The following BMP2K variants were observed in gnomAD, a reference collection of about 807,000 sequenced individuals.
BMP2K encodes the protein BMP2 inducible kinase, also known as BMP-2-inducible protein kinase.
In BMP2K, 74 loss-of-function variants were observed where a neutral mutation model predicts 116.0. The observed-to-expected ratio is 0.64, with a 90% CI of 0.53 to 0.77. The LOEUF is 0.77. BMP2K is among the 30% of genes least tolerant of loss of function. The pLI is 0.00. For synonymous variants in BMP2K, 486 were observed against 502.5 expected (o/e 0.97, Z 0.44); for missense variants, 1,365 against 1,403.6 (o/e 0.97, Z 0.44).
At chr4:78,835,627 CAAAAAAAAAAAA>C (rs561192085) in intron 3 of BMP2K, among the ~76,000 whole-genome samples, 7,288 of 69,568 alleles carry the variant, frequency 0.1, 610 homozygotes, top group African/African-American at 0.25. Context: ...GACTCCGTGT[CAAAAAAAAAAAA>C]AAAAAAAAAA....
In BMP2K at chr4:78,834,762, T is replaced by C. The variant is rs773087342; in HGVS notation, c.403+1075T>C. ...AAAAAGAGGGGGATGATGGTGATGTTGGAGAAAATATGATCTTGTTTACTG... is the reference window on the plus strand; with the variant it reads ...AAAAAGAGGGGGATGATGGTGATGTCGGAGAAAATATGATCTTGTTTACTG... On this transcript the variant is annotated intron_variant, in intron 3 of 15. Transcript: ENST00000502613. Among the ~76,000 whole-genome samples the C allele has an allele frequency of 2.0e-5, 3 of 152,272 alleles. No homozygotes were observed. The South Asian group carries it at 6.2e-4, about 32-fold the overall frequency.
rs746161635 is a variant in BMP2K at position 78,910,774 on chromosome 4, G to T, written c.2227G>T (p.Asp743Tyr). 64 of 1,613,858 alleles carry T rather than the reference G, an allele frequency of 4.0e-5. No individual in the cohort carries two copies. Among genetic ancestry groups the T allele is most frequent in the Non-Finnish European group, 5.3e-5 (62 of 1,179,860 alleles). Residue 743 changes from aspartate (D) to tyrosine (Y), a missense_variant, in exon 16 of 16, where the codon GAT becomes TAT. By Grantham distance (160) the Asp-to-Tyr change is radical. Around this residue, in one of 3 missense-constraint regions of BMP2K, gnomAD observed 596 missense variants for 623.2 expected, o/e 0.96. Coordinates refer to ENST00000502613, the MANE Select transcript of BMP2K (RefSeq NM_198892.2). Reference protein sequence around the residue: ...VQKGNDESESDFESDPPSPKS... With the variant: ...VQKGNDESESYFESDPPSPKS... ...AAAGGGGAATGATGAATCTGAAAGT[G>T]ATTTTGAATCAGATCCCCCTTCTCC...
At chr4:78,861,229 G>C (rs1022498703) in intron 8 of BMP2K, among the ~76,000 whole-genome samples, 160 bp from the exon 9 acceptor site, 3 of 151,950 alleles carry the variant, frequency 2.0e-5, no homozygotes, top group African/African-American at 7.2e-5. Context: ...TTGCAGATTA[G>C]ATCTGGCAAA....
At chr4:78,791,821 G>A (rs1428846835) in intron 1 of BMP2K, among the ~76,000 whole-genome samples, 2 of 151,310 alleles carry the variant, frequency 1.3e-5, no homozygotes, top group East Asian at 3.9e-4. Context: ...TCAATTGTAT[G>A]TATATATCAC....
At position 78,842,849 on chromosome 4, in the gene BMP2K, A is replaced by G. The variant is rs553136126; in HGVS notation, c.546+322A>G. ...CATATGTTAAATGTCTCTCCACACTATTGTCTCTCAGTTCAGCCAGCATTT... is the reference window on the plus strand; with the variant it reads ...CATATGTTAAATGTCTCTCCACACTGTTGTCTCTCAGTTCAGCCAGCATTT... On this transcript the variant is annotated intron_variant, in intron 4 of 15. Coordinates refer to ENST00000502613, the MANE Select transcript of BMP2K (RefSeq NM_198892.2). Among the ~76,000 whole-genome samples the G allele has an allele frequency of 2.5e-4, 38 of 152,082 alleles. 1 individual carries two copies. In the East Asian group the frequency reaches 7.1e-3, roughly 29 times the overall value.
At chr4:78,801,392 A>C (rs1230688944) in intron 1 of BMP2K, among the ~76,000 whole-genome samples, 3 of 151,348 alleles carry the variant, frequency 2.0e-5, no homozygotes, top group Admixed American at 6.6e-5. Flanking sequence ...GTCATAAGTA[A>C]CAGAGAAATA....
intron 1 of BMP2K, among the ~76,000 whole-genome samples, chr4:78,815,071 T>A (rs940131389): frequency 3.9e-5 from 6 of 152,160 alleles, no homozygotes; most frequent in Non-Finnish European, 7.3e-5. Context: ...TGAGAAAGGA[T>A]GTGTTTCCTG....
chr4:78,878,974 A>C (rs2110067169), intron 14 of BMP2K, 83 bp downstream of exon 14: 1 of 1,538,240 alleles, frequency 6.5e-7, no homozygotes, highest in East Asian at 2.3e-5. Context: ...GACTTTTGAG[A>C]ATGTGTATGG....
At chr4:78,909,547 A>G (rs1419826204) in intron 15 of BMP2K, among the ~76,000 whole-genome samples, 1 of 151,984 alleles carries the variant, frequency 6.6e-6, no homozygotes, top group Non-Finnish European at 1.5e-5. Context: ...CTTGCTCACT[A>G]TATTCCAGCC....
chr4:78,849,773 A>G (rs1731164105), intron 6 of BMP2K, among the ~76,000 whole-genome samples: 1 of 151,700 alleles, frequency 6.6e-6, no homozygotes. Context: ...TTTTGAACTA[A>G]CATTTTGAAA....
chr4:78,870,822 G>A lies in BMP2K; in HGVS notation c.1271G>A (p.Gly424Asp), dbSNP rs374975025. Residue 424 changes from glycine to aspartate, a missense_variant, in exon 11 of 16, where the codon GGT becomes GAT. Physicochemically the swap from Gly to Asp is moderately conservative, Grantham distance 94 (BLOSUM62 -1). Transcript: ENST00000502613. The stretch of plus-strand genomic sequence containing the variant: ...GGAAATGGCCCTGAAATTTTATTGG[G>A]TCAGGGACCTCCTCAGCAGCCGCCA... ...RPGNGPEILL[G>D]QGPPQQPPQQ... The A allele has an allele frequency of 4.3e-6, 7 of 1,613,928 alleles. No individual in the cohort carries two copies. The highest frequency in any genetic ancestry group is 1.3e-5 in the African/African-American group (1 of 74,864).
intron 10 of BMP2K, among the ~76,000 whole-genome samples, chr4:78,868,898 G>A (rs1361529929): frequency 2.0e-5 from 3 of 152,118 alleles, no homozygotes; most frequent in African/African-American, 4.8e-5. Context: ...GCTTTCATGG[G>A]CTGGCCGTTG....
At position 78,901,579 on chromosome 4, in the gene BMP2K, A is replaced by G. The variant is rs537361020; in HGVS notation, c.2063-9031A>G. On this transcript the variant is annotated intron_variant, in intron 15 of 15. Transcript: ENST00000502613. ...ATTAACTACCAGTGTTGACTACAGT[A>G]TACTCATAAAAATCATATTTAAAGC... Among the ~76,000 whole-genome samples, 37 of 152,320 alleles carry G rather than the reference A, an allele frequency of 2.4e-4. No individual in the cohort carries two copies. In the South Asian group the frequency reaches 7.0e-3, roughly 29 times the overall value.
chr4:78,791,375 C>G lies in BMP2K; in HGVS notation c.178+14654C>G, dbSNP rs114577853. On this transcript the variant is annotated intron_variant, in intron 1 of 15. Coordinates refer to ENST00000502613, the MANE Select transcript of BMP2K (RefSeq NM_198892.2). ...CATTCACACTGCAAGCACCTTAACA[C>G]TAATCAAGGGTAGTGAAAAGCATTT... Among the ~76,000 whole-genome samples the G allele has an allele frequency of 4.5e-3, 693 of 152,308 alleles. 2 individuals are homozygous for G. The highest frequency in any genetic ancestry group is 0.016 in the African/African-American group (656 of 41,572).
intron 1 of BMP2K, among the ~76,000 whole-genome samples, chr4:78,787,130 T>C (rs1373786084): frequency 1.3e-5 from 2 of 152,170 alleles, no homozygotes; most frequent in Non-Finnish European, 2.9e-5. Context: ...TGAGTTTTGG[T>C]ATTCAAAAGT....
chr4:78,834,429 T>G (rs1367261578), intron 3 of BMP2K, among the ~76,000 whole-genome samples: 3 of 151,970 alleles, frequency 2.0e-5, no homozygotes, highest in Non-Finnish European at 4.4e-5. Context: ...GCTCGGCTAA[T>G]TTTTTGTATT....
chr4:78,912,609 T>A lies in BMP2K; in HGVS notation c.*576T>A, dbSNP rs527333560. 6.6e-6 allele frequency: 1 copy of A among 152,356 alleles called. No homozygotes were observed. The highest frequency in any genetic ancestry group is 1.5e-5 in the Non-Finnish European group (1 of 68,058). 9.4% of individuals were successfully genotyped at this position (152,356 alleles called of 1,614,324 possible). A position where few individuals can be genotyped will look rare whatever the true frequency, so the allele number is the denominator to read the frequency against. ...TAACTGACTATTGTGCCTAAAACTC[T>A]GTTTCATTTTTAAAAACAAGTGCCA... On this transcript the variant is annotated 3_prime_UTR_variant, in exon 16 of 16. Coordinates refer to ENST00000502613, the MANE Select transcript of BMP2K (RefSeq NM_198892.2).
rs1323717443 is a variant in BMP2K, at chr4:78,871,891, A to G, written c.1551A>G (p.Gln517=). 6.2e-7 allele frequency: 1 copy of G among 1,613,028 alleles called. No individual in the cohort carries two copies. Among genetic ancestry groups the G allele is most frequent in the African/African-American group, 1.3e-5 (1 of 74,852 alleles). Residue 517 remains glutamine (Q), a synonymous_variant, in exon 12 of 16, where the codon CAA becomes CAG. Coordinates refer to ENST00000502613, the MANE Select transcript of BMP2K (RefSeq NM_198892.2). ...ATQQQQMLQQ[Q]FLMHSVYQPQ... ...AGCAGCAACAGATGCTTCAACAACAATTTTTAATGCATTCGGTATATCAAC... is the reference window on the plus strand; with the variant it reads ...AGCAGCAACAGATGCTTCAACAACAGTTTTTAATGCATTCGGTATATCAAC...
Position 78,887,065 on chromosome 4 carries a change from A to G in BMP2K, c.1952-109A>G. 8 of 729,460 alleles carry G rather than the reference A, an allele frequency of 1.1e-5. No homozygotes were observed. In the South Asian group the frequency reaches 1.5e-4, roughly 14 times the overall value. 45.2% of individuals were successfully genotyped at this position (729,460 alleles called of 1,614,324 possible). A position where few individuals can be genotyped will look rare whatever the true frequency, so the allele number is the denominator to read the frequency against. ...GATTCTGAACCTAATGTTTTGCAAA[A>G]AGGCTGGTGCTTTAATTTTCACTTT... On this transcript the variant is annotated intron_variant, in intron 14 of 15. Transcript: ENST00000502613.
Sources: allele counts gnomAD v4.1 joint callset (sites outside exome capture counted in the v4.1 genomes callset), GRCh38; gene constraint gnomAD v4.1.1; regional missense constraint gnomAD v4.1.1; transcripts MANE v1.5; gene names NCBI Gene and HGNC (gene_info 2026-07-23, HGNC 2026-07-21).